Variants in RGS20 observed in about 807,000 individuals in gnomAD.
RGS20 encodes gz-selective GTPase-activating protein.
Under a neutral mutation model 33.6 loss-of-function variants are expected in RGS20, and 30 were observed. The observed-to-expected ratio is 0.89, with a 90% confidence interval of 0.67 to 1.21. The LOEUF (loss-of-function observed/expected upper bound fraction) is 1.21. Among genes scored for constraint, RGS20 ranks in the 50% most tolerant of loss-of-function variants. The probability of loss-of-function intolerance (pLI) is 0.00; values close to 1 mark genes in which losing one functional copy is unlikely to be tolerated. For synonymous variants in RGS20, 208 were observed against 197.9 expected (o/e 1.05, Z -0.43); for missense variants, 472 against 502.4 (o/e 0.94, Z 0.58).
In RGS20 at chr8:53,957,697, C is replaced by T. The variant is rs191554095; in HGVS notation, c.979-573C>T. ...AAATAACAAGCATCAGGGGCCCCTA[C>T]ACCTACTGAGTCTGGGGTGGGGCCC... On this transcript the variant is annotated intron_variant, in intron 5 of 5. Coordinates refer to ENST00000297313, the MANE Select transcript of RGS20 (RefSeq NM_170587.4). Among the ~76,000 whole-genome samples the T allele has an allele frequency of 1.8e-3, 271 of 152,362 alleles. 4 individuals are homozygous for T. The highest frequency in any genetic ancestry group is 1.8e-3 in the Admixed American group (27 of 15,312).
chr8:53,953,786 A>C (rs1311855947), intron 4 of RGS20, among the ~76,000 whole-genome samples: 1 of 152,188 alleles, frequency 6.6e-6, no homozygotes, highest in African/African-American at 2.4e-5. Context: ...AGTTTTTAAA[A>C]TATTTCAAGA....
rs544788557 is a variant in RGS20 at position 53,901,719 on chromosome 8, C to T, written c.510+22117C>T. 1.5e-4 allele frequency among the ~76,000 whole-genome samples: 23 copies of T among 152,222 alleles called. No individual in the cohort carries two copies. The South Asian group carries it at 2.3e-3, about 15-fold the overall frequency. On this transcript the variant is annotated intron_variant, in intron 2 of 5. Coordinates refer to ENST00000297313, the MANE Select transcript of RGS20 (RefSeq NM_170587.4). ...CAAAATTATGGAGACAGAGCTGGCA[C>T]GCACCTGTAGTCCGAGCTACTTGGG...
intron 2 of RGS20, among the ~76,000 whole-genome samples, chr8:53,904,210 C>T (rs1374731530): frequency 5.9e-5 from 9 of 151,876 alleles, no homozygotes; most frequent in Admixed American, 5.9e-4. Context: ...GCAACCTCCG[C>T]ATCCCAGGTT....
chr8:53,881,462 C>A (rs1227688596), intron 2 of RGS20, among the ~76,000 whole-genome samples: 1 of 152,022 alleles, frequency 6.6e-6, no homozygotes, highest in African/African-American at 2.4e-5. Context: ...AAAGACCAGG[C>A]GGGTGGAAGC....
intron 1 of RGS20, among the ~76,000 whole-genome samples, chr8:53,854,538 G>C (rs73680329): frequency 0.066 from 10,011 of 152,018 alleles, 975 homozygotes; most frequent in African/African-American, 0.22. Context: ...ACTACACACC[G>C]AGAAGAATAG....
intron 1 of RGS20, among the ~76,000 whole-genome samples, chr8:53,859,167 A>G (rs921350725): frequency 6.6e-6 from 1 of 152,204 alleles, no homozygotes; most frequent in Non-Finnish European, 1.5e-5. Flanking sequence ...CAAAGACTAG[A>G]GCTTACGATG....
chr8:53,935,086 G>T (rs1437806963), intron 2 of RGS20, among the ~76,000 whole-genome samples: 2 of 152,160 alleles, frequency 1.3e-5, no homozygotes, highest in Non-Finnish European at 2.9e-5. Flanking sequence ...CAACCTACCA[G>T]TATCTCTGGG....
chr8:53,920,076 T>C (rs1813599675), intron 2 of RGS20, among the ~76,000 whole-genome samples: 1 of 152,148 alleles, frequency 6.6e-6, no homozygotes, highest in African/African-American at 2.4e-5. Context: ...TGTTTCACCC[T>C]GTTGCCTAGG....
chr8:53,932,991 C>T (rs1002259078), intron 2 of RGS20, among the ~76,000 whole-genome samples: 1 of 152,176 alleles, frequency 6.6e-6, no homozygotes, highest in Non-Finnish European at 1.5e-5. Flanking sequence ...CATGGACCTC[C>T]AGCAAACTCC....
intron 2 of RGS20, among the ~76,000 whole-genome samples, chr8:53,886,711 T>C (rs894436465): frequency 3.9e-5 from 6 of 152,196 alleles, no homozygotes; most frequent in Non-Finnish European, 8.8e-5. Flanking sequence ...TTTGTCTACA[T>C]TTGTGCCCCT....
intron 2 of RGS20, among the ~76,000 whole-genome samples, chr8:53,921,745 T>C (rs1813654498): frequency 1.3e-5 from 2 of 152,148 alleles, no homozygotes; most frequent in Admixed American, 6.6e-5. Flanking sequence ...TTTTTCTTCA[T>C]CAACTAGCTA....
intron 2 of RGS20, among the ~76,000 whole-genome samples, chr8:53,909,863 CTAA>C (rs1249860566): frequency 1.3e-5 from 2 of 152,156 alleles, no homozygotes; most frequent in Non-Finnish European, 2.9e-5. Context: ...GATGGAAACT[CTAA>C]TGAGGAAGGA....
chr8:53,938,618 G>A (rs1213824623), intron 2 of RGS20, among the ~76,000 whole-genome samples: 2 of 152,174 alleles, frequency 1.3e-5, no homozygotes, highest in Non-Finnish European at 2.9e-5. Context: ...AATAGGAACA[G>A]ACAAATCTAA....
At chr8:53,859,917 G>A (rs969794356) in intron 1 of RGS20, among the ~76,000 whole-genome samples, 2 of 152,076 alleles carry the variant, frequency 1.3e-5, no homozygotes, top group African/African-American at 2.4e-5. Context: ...ACCTCCCACC[G>A]GGTCCCTCCC....
At chr8:53,929,457 G>A (rs1813894531) in intron 2 of RGS20, among the ~76,000 whole-genome samples, 1 of 152,084 alleles carries the variant, frequency 6.6e-6, no homozygotes, top group Non-Finnish European at 1.5e-5. Context: ...GAGGCGGGTG[G>A]ATAACCTAAG....
At chr8:53,918,172 C>T (rs1236443100) in intron 2 of RGS20, among the ~76,000 whole-genome samples, 2 of 152,154 alleles carry the variant, frequency 1.3e-5, no homozygotes, top group Admixed American at 6.5e-5. Context: ...GTGCAACAAT[C>T]ACCACTAATT....
At chr8:53,868,672 A>G (rs1488744783) in intron 1 of RGS20, among the ~76,000 whole-genome samples, 1 of 151,932 alleles carries the variant, frequency 6.6e-6, no homozygotes. Flanking sequence ...ATATATATGT[A>G]TGTCTATATT....
intron 3 of RGS20, 116 bp downstream of exon 2, chr8:53,939,840 T>G: frequency 8.0e-7 from 1 of 1,252,872 alleles, no homozygotes. Context: ...CAATAAGTGT[T>G]TTTTAAGCAA....
chr8:53,865,087 T>C (rs982900412), intron 1 of RGS20, among the ~76,000 whole-genome samples: 1 of 152,234 alleles, frequency 6.6e-6, no homozygotes, highest in Non-Finnish European at 1.5e-5. Context: ...GCCTGGTTTA[T>C]TAGGAACCAC....
Sources: gnomAD v4.1 joint callset for allele counts (sites outside exome capture counted in the v4.1 genomes callset) on GRCh38, gnomAD v4.1.1 for gene constraint, MANE v1.5 for transcripts, NCBI Gene and HGNC (gene_info 2026-07-23, HGNC 2026-07-21) for gene names.